DST: variants seen among roughly 807,000 people sequenced by gnomAD.
DST encodes dystonin.
Under a neutral mutation model 875.2 loss-of-function variants are expected in DST, and 253 were observed. The observed-to-expected ratio is 0.29, with a 90% CI of 0.26 to 0.32. The LOEUF is 0.32. DST is among the 10% of genes least tolerant of loss of function. The pLI, the probability that DST is intolerant of heterozygous loss-of-function variation, is 1.00. For missense variants in DST, 8,287 were observed against 9,111.6 expected, an observed-to-expected ratio of 0.91 and a Z score of 3.68; for synonymous variants, 3,124 against 3,197.1, an observed-to-expected ratio of 0.98 and a Z score of 0.77.
chr6:56,639,124 G>T, intron 22 of DST, 135 bp downstream of exon 22: 1 of 772,606 alleles, frequency 1.3e-6, no homozygotes, highest in Non-Finnish European at 2.2e-6. Context: ...AGTACAATTT[G>T]TCAGAAACAT....
intron 5 of DST, 22 bp downstream of exon 5, chr6:56,735,206 A>C (rs2152929587): frequency 6.7e-7 from 1 of 1,484,214 alleles, no homozygotes; most frequent in Admixed American, 2.0e-5. Flanking sequence ...AATTCCAGGA[A>C]GTGAACGAAA....
Position 56,508,517 on chromosome 6 carries a change from T to C in DST, c.19239+12A>G. ...CTTATTTTTCTAACTTTAAATGAGA[T>C]TTTCTGCTTACCTCTGCTGCTTCTT... On this transcript the variant is annotated intron_variant, in intron 75 of 103. Transcript: ENST00000680361. The C allele has an allele frequency of 1.2e-6, 2 of 1,604,732 alleles. No individual in the cohort carries two copies. The highest frequency in any genetic ancestry group is 1.1e-5 in the South Asian group (1 of 90,598).
chr6:56,801,220 A>G (rs924923695), intron 4 of DST, among the ~76,000 whole-genome samples: 3 of 151,970 alleles, frequency 2.0e-5, no homozygotes, highest in Non-Finnish European at 4.4e-5. Flanking sequence ...TTGTTTTAGG[A>G]TCTCATCCAG....
At chr6:56,617,552 G>A in intron 36 of DST, 1 of 776,080 alleles carries the variant, frequency 1.3e-6, no homozygotes, top group Non-Finnish European at 2.2e-6. Context: ...TCAAACCAAG[G>A]AGGGTTCAGG....
intron 61 of DST, chr6:56,542,476 T>C (rs1298705683): frequency 1.4e-5 from 2 of 144,702 alleles, no homozygotes; most frequent in Non-Finnish European, 3.0e-5. Context: ...AAGATTCTTA[T>C]CTGGTCCTCC....
chr6:56,618,281 G>A (rs759866873), intron 36 of DST: 1 of 1,614,014 alleles, frequency 6.2e-7, no homozygotes, highest in Non-Finnish European at 8.5e-7. Context: ...CAATGGCTGT[G>A]GTTCTTGAGT....
intron 4 of DST, among the ~76,000 whole-genome samples, chr6:56,840,437 C>CT (rs1180272774): frequency 6.6e-6 from 1 of 152,036 alleles, no homozygotes; most frequent in East Asian, 1.9e-4. Flanking sequence ...AAATAAATGC[C>CT]TTTATTCAGC....
rs1475779907 is a variant in DST at position 56,605,760 on chromosome 6, TA to T, written c.8867del (p.Leu2956GlnfsTer8). On this transcript the variant is annotated frameshift_variant, in exon 40 of 104. Transcript: ENST00000680361. LOFTEE classifies it high-confidence loss of function. ...ISSTSELGTD[L>X]ANTKVKLIQG... The stretch of plus-strand genomic sequence containing the variant: ...GAATCAACTTAACCTTTGTGTTTGC[TA>T]GATCAGTACCTAATTCAGAAGTTGA... 1 of 1,612,670 alleles carries T rather than the reference TA, an allele frequency of 6.2e-7. No homozygotes were observed. Among genetic ancestry groups the T allele is most frequent in the African/African-American group, 1.3e-5 (1 of 74,874 alleles).
chr6:56,659,943 G>A (rs2099030161), intron 10 of DST, among the ~76,000 whole-genome samples: 1 of 152,168 alleles, frequency 6.6e-6, no homozygotes, highest in African/African-American at 2.4e-5. Context: ...AACAGCAGCA[G>A]CGGGGGTGAG....
At chr6:56,883,212 C>T (rs1175764810) in intron 3 of DST, among the ~76,000 whole-genome samples, 1 of 152,100 alleles carries the variant, frequency 6.6e-6, no homozygotes, top group Non-Finnish European at 1.5e-5. Flanking sequence ...TGATTCTAGT[C>T]TCAGATCAAT....
intron 4 of DST, among the ~76,000 whole-genome samples, chr6:56,797,863 T>C (rs1239843306): frequency 6.9e-6 from 1 of 145,954 alleles, no homozygotes; most frequent in Non-Finnish European, 1.5e-5. Flanking sequence ...ACATGAATGA[T>C]AAGAAACAGC....
intron 67 of DST, among the ~76,000 whole-genome samples, chr6:56,528,623 C>A (rs1164968428): frequency 6.6e-6 from 1 of 152,164 alleles, no homozygotes; most frequent in East Asian, 1.9e-4. Flanking sequence ...ATGAGTAATA[C>A]ACACAACTTC....
At chr6:56,881,916 G>A (rs913839370) in intron 3 of DST, among the ~76,000 whole-genome samples, 2 of 152,116 alleles carry the variant, frequency 1.3e-5, no homozygotes, top group Non-Finnish European at 2.9e-5. Flanking sequence ...CAAAGGGAGA[G>A]GGCAGCGCGT....
intron 3 of DST, chr6:56,871,587 C>A: frequency 1.2e-6 from 1 of 855,270 alleles, no homozygotes; most frequent in South Asian, 1.3e-5. Flanking sequence ...CTACAGAGCT[C>A]ATGGTTGGAT....
At chr6:56,563,152 G>C (rs1388329291) in intron 55 of DST, among the ~76,000 whole-genome samples, 1 of 152,094 alleles carries the variant, frequency 6.6e-6, no homozygotes, top group Non-Finnish European at 1.5e-5. Flanking sequence ...GATCCTTGAG[G>C]AATTGCCACA....
chr6:56,870,062 C>T (rs1314837099), intron 3 of DST, among the ~76,000 whole-genome samples: 2 of 151,942 alleles, frequency 1.3e-5, no homozygotes, highest in Non-Finnish European at 2.9e-5. Flanking sequence ...TCAAGCCTAG[C>T]CTCTAAAATT....
intron 4 of DST, among the ~76,000 whole-genome samples, chr6:56,841,986 C>T (rs926018099): frequency 3.9e-5 from 6 of 152,142 alleles, no homozygotes; most frequent in Non-Finnish European, 5.9e-5. Context: ...ACAAGGATTG[C>T]AAGAATTTCG....
chr6:56,479,143 C>A (rs2095315999), intron 90 of DST, among the ~76,000 whole-genome samples: 1 of 152,002 alleles, frequency 6.6e-6, no homozygotes, highest in African/African-American at 2.4e-5. Flanking sequence ...AGAAGAAATA[C>A]AAGCATACAA....
chr6:56,560,613 T>C (rs932116921), intron 57 of DST, among the ~76,000 whole-genome samples, 190 bp from the exon 58 acceptor site: 1 of 152,158 alleles, frequency 6.6e-6, no homozygotes, highest in Non-Finnish European at 1.5e-5. Flanking sequence ...AATTGTGTGA[T>C]ACAGGAATCC....
Sources: gnomAD v4.1 joint callset for allele counts (sites outside exome capture counted in the v4.1 genomes callset) on GRCh38, gnomAD v4.1.1 for gene constraint, MANE v1.5 for transcripts, NCBI Gene and HGNC (gene_info 2026-07-23, HGNC 2026-07-21) for gene names.